MYO5A: variants seen among roughly 807,000 people sequenced by gnomAD.
The protein encoded by MYO5A is unconventional myosin-Va.
Under a neutral mutation model 249.7 loss-of-function variants are expected in MYO5A, and 98 were observed. The observed-to-expected ratio is 0.39, with a 90% confidence interval of 0.33 to 0.46. MYO5A has a LOEUF of 0.46. MYO5A is among the 20% of genes least tolerant of loss of function. The probability of loss-of-function intolerance (pLI) is 0.98; values close to 1 mark genes in which losing one functional copy is unlikely to be tolerated. For synonymous variants in MYO5A, 778 were observed against 810.6 expected, an observed-to-expected ratio of 0.96 and a Z score of 0.68; for missense variants, 1,696 against 2,308.8, an observed-to-expected ratio of 0.73 and a Z score of 5.44.
chr15:52,356,817 TTA>T lies in MYO5A; in HGVS notation c.3424-2805_3424-2804del, dbSNP rs749126337. 1.2e-3 allele frequency among the ~76,000 whole-genome samples: 184 copies of T among 148,300 alleles called. 9 individuals carry two copies. The highest frequency in any genetic ancestry group is 3.7e-3 in the African/African-American group (147 of 40,134). On this transcript the variant is annotated intron_variant, in intron 25 of 41. Coordinates refer to ENST00000399233, the MANE Select transcript of MYO5A (RefSeq NM_001382347.1). The stretch of plus-strand genomic sequence containing the variant: ...TTCTTTGACTTTTTTTTTTTTTTTT[TTA>T]TTTTCAGGAATTGTATATTAATTAG...
At chr15:52,429,168 G>A (rs545624983) in intron 2 of MYO5A, among the ~76,000 whole-genome samples, 3 of 152,238 alleles carry the variant, frequency 2.0e-5, no homozygotes, top group African/African-American at 7.2e-5. Flanking sequence ...GTGCACATAT[G>A]TGTACTTTTT....
At chr15:52,388,054 C>T (rs2042044136) in intron 13 of MYO5A, 142 bp from the exon 14 acceptor site, 1 of 678,718 alleles carries the variant, frequency 1.5e-6, no homozygotes, top group African/African-American at 1.8e-5. Flanking sequence ...TCCAAGAAAC[C>T]AAGGCCATTC....
At chr15:52,323,491 A>G (rs2038431060) in intron 36 of MYO5A, 47 bp from the exon 37 acceptor site, 1 of 1,439,710 alleles carries the variant, frequency 6.9e-7, no homozygotes, top group East Asian at 2.3e-5. Flanking sequence ...TAGGGAAATA[A>G]CAACCTAAAA....
intron 20 of MYO5A, among the ~76,000 whole-genome samples, chr15:52,372,872 G>A (rs547885333): frequency 9.9e-5 from 15 of 152,030 alleles, no homozygotes; most frequent in African/African-American, 2.9e-4. Flanking sequence ...TATTAGGCCC[G>A]TGCATGAGGA....
intron 13 of MYO5A, among the ~76,000 whole-genome samples, chr15:52,388,811 A>C (rs1275927820): frequency 6.6e-6 from 1 of 152,300 alleles, no homozygotes; most frequent in East Asian, 1.9e-4. Context: ...GCATTTAGAG[A>C]TGTAGTATGT....
At chr15:52,420,410 T>A (rs1267784215) in intron 4 of MYO5A, among the ~76,000 whole-genome samples, 1 of 151,672 alleles carries the variant, frequency 6.6e-6, no homozygotes, top group Non-Finnish European at 1.5e-5. Context: ...AATGGCATCC[T>A]GATGAAAGAA....
intron 14 of MYO5A, 37 bp from the exon 15 acceptor site, chr15:52,384,359 A>G (rs2041887973): frequency 1.2e-6 from 2 of 1,602,666 alleles, no homozygotes; most frequent in South Asian, 2.2e-5. Flanking sequence ...TACATTCTAA[A>G]CCAAACTTGA....
chr15:52,336,074 C>T (rs1300134501), intron 34 of MYO5A, among the ~76,000 whole-genome samples: 1 of 152,152 alleles, frequency 6.6e-6, no homozygotes, highest in Non-Finnish European at 1.5e-5. Context: ...TGGGAAAGCA[C>T]AGGCATACAG....
intron 1 of MYO5A, among the ~76,000 whole-genome samples, chr15:52,470,507 C>T (rs932160692): frequency 1.3e-5 from 2 of 152,064 alleles, no homozygotes; most frequent in African/African-American, 2.4e-5. Context: ...CAAAATTAGC[C>T]GGCGTGGTGG....
intron 5 of MYO5A, among the ~76,000 whole-genome samples, chr15:52,411,623 A>G (rs988267922): frequency 6.6e-6 from 1 of 152,190 alleles, no homozygotes; most frequent in African/African-American, 2.4e-5. Context: ...AAAAAAATTA[A>G]TATCTTTCAC....
At chr15:52,515,306 A>AAAG in intron 1 of MYO5A, among the ~76,000 whole-genome samples, 1 of 122,870 alleles carries the variant, frequency 8.1e-6, no homozygotes, top group Admixed American at 8.3e-5. Context: ...AAGAAAGAAA[A>AAAG]AAAAGATAAG....
rs114069490 is a variant in MYO5A, at chr15:52,417,537, C to T, written c.456-1236G>A. 4.6e-5 allele frequency among the ~76,000 whole-genome samples: 7 copies of T among 152,060 alleles called. 1 individual carries two copies. Among genetic ancestry groups the T allele is most frequent in the Non-Finnish European group, 1.0e-4 (7 of 68,016 alleles). ...ATGATCTGTATCCTCATGTGGTTGACGGATGTTGTGGTTTGAATGTTCTCT... is the reference window on the plus strand; with the variant it reads ...ATGATCTGTATCCTCATGTGGTTGATGGATGTTGTGGTTTGAATGTTCTCT... On this transcript the variant is annotated intron_variant, in intron 4 of 41. Transcript: ENST00000399233.
At chr15:52,391,174 A>C (rs1201632929) in intron 12 of MYO5A, among the ~76,000 whole-genome samples, 1 of 152,212 alleles carries the variant, frequency 6.6e-6, no homozygotes, top group African/African-American at 2.4e-5. Flanking sequence ...GCTTTTCATC[A>C]TGAGTATATA....
intron 1 of MYO5A, among the ~76,000 whole-genome samples, chr15:52,434,972 C>T (rs2075629901): frequency 6.6e-6 from 1 of 152,196 alleles, no homozygotes; most frequent in African/African-American, 2.4e-5. Context: ...TTACTTGGAG[C>T]TTTGAGAAGG....
At chr15:52,447,293 TTC>T (rs1481602609) in intron 1 of MYO5A, among the ~76,000 whole-genome samples, 6 of 152,034 alleles carry the variant, frequency 3.9e-5, no homozygotes, top group Admixed American at 6.6e-5. Context: ...CTCTCTTGCT[TTC>T]TCTCTCCCCA....
At chr15:52,483,946 A>C (rs1595768619) in intron 1 of MYO5A, among the ~76,000 whole-genome samples, 1 of 152,206 alleles carries the variant, frequency 6.6e-6, no homozygotes, top group East Asian at 1.9e-4. Context: ...AAGCAACTGC[A>C]AGCCGTCCAC....
intron 1 of MYO5A, among the ~76,000 whole-genome samples, chr15:52,446,385 T>C (rs892259149): frequency 5.3e-5 from 8 of 152,228 alleles, no homozygotes. Context: ...GTGTACAGAA[T>C]AAAAAGTGAA....
intron 1 of MYO5A, among the ~76,000 whole-genome samples, chr15:52,448,348 T>G (rs1304820517): frequency 6.6e-6 from 1 of 152,248 alleles, no homozygotes; most frequent in Non-Finnish European, 1.5e-5. Context: ...CCCCTTCTTT[T>G]GGCTGATTTC....
chr15:52,363,405 C>T (rs147708735), intron 24 of MYO5A, among the ~76,000 whole-genome samples: 342 of 152,280 alleles, frequency 2.2e-3, no homozygotes, highest in African/African-American at 8.0e-3. Context: ...CTTTGTCACA[C>T]ATAAATCAGA....
Sources: allele counts gnomAD v4.1 joint callset (sites outside exome capture counted in the v4.1 genomes callset), GRCh38; gene constraint gnomAD v4.1.1; transcripts MANE v1.5; gene names NCBI Gene and HGNC (gene_info 2026-07-23, HGNC 2026-07-21).